ANO4: variants seen among roughly 807,000 people sequenced by gnomAD.
The protein encoded by ANO4 is anoctamin-4.
Under a neutral mutation model 141.9 loss-of-function variants are expected in ANO4, and 69 were observed. That is an observed-to-expected ratio of 0.49 (90% CI 0.40 to 0.59). The LOEUF (loss-of-function observed/expected upper bound fraction) is 0.59. Ranked by LOEUF, ANO4 falls within the 20% of genes least tolerant of loss-of-function variation. The pLI is 0.00. For synonymous variants in ANO4, 350 were observed against 394.3 expected (o/e 0.89, Z 1.33); for missense variants, 894 against 1,162.2 (o/e 0.77, Z 3.36).
At chr12:101,064,343 C>G (rs1476105300) in intron 14 of ANO4, among the ~76,000 whole-genome samples, 2 of 152,152 alleles carry the variant, frequency 1.3e-5, no homozygotes, top group African/African-American at 4.8e-5. Flanking sequence ...CTGTTAGTTT[C>G]TAACTTCATT....
intron 1 of ANO4, among the ~76,000 whole-genome samples, chr12:100,893,987 C>T (rs2040222082): frequency 6.6e-6 from 1 of 152,154 alleles, no homozygotes; most frequent in East Asian, 1.9e-4. Flanking sequence ...CAGGCTCTTA[C>T]CCTTTCTGAT....
At chr12:100,997,134 G>A (rs566875153) in intron 8 of ANO4, among the ~76,000 whole-genome samples, 1 of 152,080 alleles carries the variant, frequency 6.6e-6, no homozygotes, top group South Asian at 2.1e-4. Flanking sequence ...AGCAGTTTGA[G>A]ACCAGCCTGG....
intron 7 of ANO4, among the ~76,000 whole-genome samples, chr12:100,982,867 C>G (rs2044542995): frequency 6.6e-6 from 1 of 152,108 alleles, no homozygotes; most frequent in Non-Finnish European, 1.5e-5. Context: ...TATTATCACC[C>G]AAATCACCAA....
chr12:100,807,003 T>C (rs2035098298), intron 1 of ANO4, among the ~76,000 whole-genome samples: 1 of 152,178 alleles, frequency 6.6e-6, no homozygotes, highest in Non-Finnish European at 1.5e-5. Flanking sequence ...TTTCTGGGTT[T>C]TGTGTAATAA....
intron 8 of ANO4, among the ~76,000 whole-genome samples, chr12:100,988,889 G>GAAAAAAA (rs57790317): frequency 2.5e-5 from 2 of 78,732 alleles, no homozygotes; most frequent in East Asian, 3.1e-4. Flanking sequence ...AAAAAAAAAA[G>GAAAAAAA]AAAGAAAAAC....
At chr12:100,865,730 A>G (rs2135907059) in intron 1 of ANO4, among the ~76,000 whole-genome samples, 1 of 152,344 alleles carries the variant, frequency 6.6e-6, no homozygotes, top group Middle Eastern at 3.4e-3. Context: ...GAACACTCAA[A>G]TTAGGATAAT....
chr12:100,991,711 G>T (rs926411232), intron 8 of ANO4, among the ~76,000 whole-genome samples: 1 of 151,932 alleles, frequency 6.6e-6, no homozygotes, highest in Non-Finnish European at 1.5e-5. Context: ...CTTTCTCCAA[G>T]TCTAGAGACT....
At chr12:101,096,786 C>A in intron 19 of ANO4, 139 bp downstream of exon 19, 1 of 645,834 alleles carries the variant, frequency 1.5e-6, no homozygotes, top group Non-Finnish European at 2.7e-6. Context: ...CCTCCCTTCT[C>A]TTCCCAAATC....
At chr12:100,732,584 AT>A (rs1255628783) in intron 1 of ANO4, among the ~76,000 whole-genome samples, 1 of 151,886 alleles carries the variant, frequency 6.6e-6, no homozygotes, top group Non-Finnish European at 1.5e-5. Context: ...TGTATCCATT[AT>A]TTTTTTCATG....
intron 22 of ANO4, among the ~76,000 whole-genome samples, chr12:101,104,848 A>G (rs1289173286): frequency 6.6e-6 from 1 of 151,586 alleles, no homozygotes; most frequent in African/African-American, 2.4e-5. Context: ...CCTCTTATCT[A>G]CTAGTTACAT....
At chr12:101,007,987 A>G (rs1021671861) in intron 8 of ANO4, among the ~76,000 whole-genome samples, 3 of 152,200 alleles carry the variant, frequency 2.0e-5, no homozygotes, top group Non-Finnish European at 2.9e-5. Context: ...TCAAAAGTCT[A>G]CCTTCAAGCT....
At chr12:100,873,197 T>C (rs149769950) in intron 1 of ANO4, among the ~76,000 whole-genome samples, 1 of 152,190 alleles carries the variant, frequency 6.6e-6, no homozygotes, top group Non-Finnish European at 1.5e-5. Context: ...AATGTGAGAA[T>C]AGACTAATAC....
chr12:100,792,537 C>T (rs2034081659), upstream of ANO4, among the ~76,000 whole-genome samples: 1 of 152,138 alleles, frequency 6.6e-6, no homozygotes, highest in African/African-American at 2.4e-5. Flanking sequence ...AATGTTGTTG[C>T]TATCTGAAAT....
At chr12:100,933,070 T>G (rs1338587852) in intron 3 of ANO4, among the ~76,000 whole-genome samples, 3 of 152,000 alleles carry the variant, frequency 2.0e-5, no homozygotes, top group African/African-American at 7.2e-5. Context: ...TTACTTGAGT[T>G]GCATGGTAGT....
At chr12:100,804,079 A>G (rs531731300) in intron 1 of ANO4, among the ~76,000 whole-genome samples, 14 of 152,064 alleles carry the variant, frequency 9.2e-5, no homozygotes, top group Non-Finnish European at 1.9e-4. Flanking sequence ...CCCAGCATCC[A>G]TTAGCTATTC....
intron 5 of ANO4, among the ~76,000 whole-genome samples, chr12:100,966,068 G>T (rs2043639735): frequency 6.6e-6 from 1 of 152,100 alleles, no homozygotes; most frequent in Admixed American, 6.6e-5. Flanking sequence ...GGAATTGGGT[G>T]CTTGGATCTC....
intron 5 of ANO4, among the ~76,000 whole-genome samples, chr12:100,967,416 T>A (rs2043720725): frequency 6.6e-6 from 1 of 152,132 alleles, no homozygotes; most frequent in African/African-American, 2.4e-5. Context: ...GCCATATAAT[T>A]AGCAATCATC....
rs369625786 is a variant in ANO4, at chr12:101,116,785, C to G, written c.2557C>G (p.Leu853Val). Residue 853 changes from leucine (L) to valine (V), a missense_variant, in exon 25 of 28, where the codon CTT becomes GTT. Coordinates refer to ENST00000392977, the MANE Select transcript of ANO4 (RefSeq NM_001286615.2). ...TGGCAGTGAGTTCTCGGGGACTCCT[C>G]TTAAGTACTGCAGGTGAGTGTGGCA... ...SDGSEFSGTP[L>V]KYCRYRDYRD... 22 of 1,614,084 alleles carry G rather than the reference C, an allele frequency of 1.4e-5. 1 individual carries two copies. In the Middle Eastern group the frequency reaches 3.0e-3, roughly 218 times the overall value.
chr12:101,055,354 T>C (rs2048070595), intron 14 of ANO4, among the ~76,000 whole-genome samples: 1 of 152,224 alleles, frequency 6.6e-6, no homozygotes, highest in African/African-American at 2.4e-5. Context: ...TGTCAGTCTT[T>C]ATAATTTTAG....
Sources: gnomAD v4.1 joint callset for allele counts (sites outside exome capture counted in the v4.1 genomes callset) on GRCh38, gnomAD v4.1.1 for gene constraint, MANE v1.5 for transcripts, NCBI Gene and HGNC (gene_info 2026-07-23, HGNC 2026-07-21) for gene names.